The following CD55 variants were observed in gnomAD, a reference collection of about 807,000 sequenced individuals.
CD55 encodes complement decay-accelerating factor.
CD55 carries 41 observed loss-of-function variants against 45.8 expected under a neutral mutation model. The observed-to-expected ratio is 0.90, with a 90% CI of 0.70 to 1.16. CD55 has a LOEUF of 1.16. Among genes scored for constraint, CD55 ranks in the 50% most tolerant of loss-of-function variants. CD55 has a pLI of 0.00. For synonymous variants in CD55, 181 were observed against 181.1 expected, an observed-to-expected ratio of 1.00 and a Z score of 0.01; for missense variants, 416 against 469.8, an observed-to-expected ratio of 0.89 and a Z score of 1.06.
rs755921555 is a variant in CD55, at chr1:207,324,643, T to A, written c.371T>A (p.Val124Asp). 1 of 1,612,732 alleles carries A rather than the reference T, an allele frequency of 6.2e-7. No individual in the cohort carries two copies. The highest frequency in any genetic ancestry group is 1.7e-5 in the Admixed American group (1 of 59,900). Residue 124 changes from valine (V) to aspartate (D), a missense_variant, in exon 3 of 10, where the codon GTT (valine) becomes GAT (aspartate). Transcript: ENST00000367064. ...ITQNYFPVGTVVEYECRPGYR... is the reference protein window; with the variant it reads ...ITQNYFPVGTDVEYECRPGYR... Reference sequence around the variant, plus strand: ...CAGAATTATTTTCCAGTCGGTACTGTTGTGGAATATGAGTGCCGTCCAGGT... The same window carrying A: ...CAGAATTATTTTCCAGTCGGTACTGATGTGGAATATGAGTGCCGTCCAGGT...
At chr1:207,351,510 T>C (rs1293466234) in intron 9 of CD55, among the ~76,000 whole-genome samples, 2 of 152,202 alleles carry the variant, frequency 1.3e-5, no homozygotes, top group African/African-American at 4.8e-5. Context: ...ACTTGTCTTA[T>C]GAATCTGGAT....
intron 9 of CD55, among the ~76,000 whole-genome samples, chr1:207,348,684 A>G (rs184237901): frequency 6.6e-6 from 1 of 152,306 alleles, no homozygotes; most frequent in African/African-American, 2.4e-5. Flanking sequence ...GTTTTCTTCT[A>G]GAGTTTTTAT....
chr1:207,347,992 T>C (rs1399923439), intron 9 of CD55, among the ~76,000 whole-genome samples: 1 of 152,224 alleles, frequency 6.6e-6, no homozygotes, highest in Non-Finnish European at 1.5e-5. Flanking sequence ...CTGATGTGCA[T>C]CTAGGTTGAT....
intron 9 of CD55, chr1:207,340,341 T>G: frequency 9.0e-6 from 4 of 443,928 alleles, no homozygotes; most frequent in Non-Finnish European, 8.0e-6. Flanking sequence ...ATATGCTAGA[T>G]TTGTTTTCTT....
At chr1:207,341,636 A>G (rs1333129997) in intron 9 of CD55, among the ~76,000 whole-genome samples, 1 of 152,084 alleles carries the variant, frequency 6.6e-6, no homozygotes, top group Non-Finnish European at 1.5e-5. Flanking sequence ...TACCAATACC[A>G]TGCTGTTTTT....
rs1282708164 is a variant in CD55, at chr1:207,359,648, C to T, written c.*38C>T. On this transcript the variant is annotated 3_prime_UTR_variant, in exon 10 of 10. Transcript: ENST00000367064. The stretch of plus-strand genomic sequence containing the variant: ...TAAGAAGAAAATACACACAAGTATA[C>T]AGACTGTTCCTAGTTTCTTAGACTT... 3 of 1,551,656 alleles carry T rather than the reference C, an allele frequency of 1.9e-6. No homozygotes were observed. The highest frequency in any genetic ancestry group is 2.6e-6 in the Non-Finnish European group (3 of 1,156,670).
intron 9 of CD55, chr1:207,340,394 C>T: frequency 2.2e-6 from 1 of 447,886 alleles, no homozygotes. Flanking sequence ...GAGACAGGTT[C>T]TCGTCCTGTC....
At chr1:207,335,740 C>A (rs926621200) in intron 6 of CD55, among the ~76,000 whole-genome samples, 2 of 152,006 alleles carry the variant, frequency 1.3e-5, no homozygotes, top group Non-Finnish European at 2.9e-5. Flanking sequence ...AAAAAATGAC[C>A]GATACCATCT....
intron 6 of CD55, among the ~76,000 whole-genome samples, chr1:207,335,653 G>T (rs1655139794): frequency 6.6e-6 from 1 of 152,088 alleles, no homozygotes; most frequent in Non-Finnish European, 1.5e-5. Context: ...TTGAGTGCCT[G>T]CTAAATGCTG....
At chr1:207,359,090 G>A (rs1656185293) in intron 9 of CD55, among the ~76,000 whole-genome samples, 1 of 152,056 alleles carries the variant, frequency 6.6e-6, no homozygotes, top group South Asian at 2.1e-4. Context: ...GATCTTAAAA[G>A]ACATCTCATA....
chr1:207,352,009 A>T (rs973093347), intron 9 of CD55, among the ~76,000 whole-genome samples: 2 of 152,182 alleles, frequency 1.3e-5, no homozygotes, highest in Non-Finnish European at 2.9e-5. Flanking sequence ...TTCTTTAAAG[A>T]TAAATTAACT....
rs1417862872 is a variant in CD55 at position 207,331,278 on chromosome 1, C to T, written c.835C>T (p.Pro279Ser). The change falls in exon 6 of 10, where the codon CCA becomes TCA. Residue 279 changes from proline (P) to serine (S), a missense_variant. Physicochemically the swap from Pro to Ser is moderately conservative, Grantham distance 74. Around this residue, in one of 3 missense-constraint regions of CD55, gnomAD observed 182 missense variants for 201.4 expected, o/e 0.90. Coordinates refer to ENST00000367064, the MANE Select transcript of CD55 (RefSeq NM_000574.5). ...TAATGATGAAGGAGAGTGGAGTGGC[C>T]CACCACCTGAATGCAGAGGTAATCA... ...VNNDEGEWSG[P>S]PPECRGKSLT... 1.2e-6 allele frequency: 2 copies of T among 1,613,180 alleles called. No individual in the cohort carries two copies. The highest frequency in any genetic ancestry group is 1.7e-6 in the Non-Finnish European group (2 of 1,179,492).
chr1:207,331,840 C>T (rs938736327), intron 6 of CD55, among the ~76,000 whole-genome samples: 1 of 152,090 alleles, frequency 6.6e-6, no homozygotes, highest in South Asian at 2.1e-4. Context: ...CTCTCAGAAT[C>T]CTTCGAACTG....
chr1:207,324,693 C>G lies in CD55; in HGVS notation c.421C>G (p.Pro141Ala). 1 of 1,613,420 alleles carries G rather than the reference C, an allele frequency of 6.2e-7. No homozygotes were observed. Among genetic ancestry groups the G allele is most frequent in the African/African-American group, 1.3e-5 (1 of 74,984 alleles). Residue 141 changes from proline to alanine, a missense_variant, in exon 3 of 10, where the codon CCA becomes GCA. This residue lies in a region of CD55 where 111 missense variants were observed against 163.4 expected (regional missense o/e 0.68). Transcript: ENST00000367064. The part of the protein sequence containing the change: ...PGYRREPSLS[P>A]KLTCLQNLKW... ...TTACAGAAGAGAACCTTCTCTATCACCAAAACTAACTTGCCTTCAGAATTT... is the reference window on the plus strand; with the variant it reads ...TTACAGAAGAGAACCTTCTCTATCAGCAAAACTAACTTGCCTTCAGAATTT...
chr1:207,322,639 G>T, intron 2 of CD55, 72 bp downstream of exon 2: 5 of 1,267,928 alleles, frequency 3.9e-6, no homozygotes, highest in Admixed American at 2.3e-5. Flanking sequence ...TATACCTTTG[G>T]AGTGACTAGT....
intron 6 of CD55, 130 bp downstream of exon 6, chr1:207,331,426 G>A (rs1191077392): frequency 1.1e-5 from 8 of 718,126 alleles, no homozygotes; most frequent in African/African-American, 1.8e-5. Context: ...GTATTTTTCT[G>A]TGGGACACAA....
At chr1:207,322,207 G>T (rs112538877) in intron 1 of CD55, 175 bp from the exon 2 acceptor site, 941 of 727,238 alleles carry the variant, frequency 1.3e-3, no homozygotes, top group Non-Finnish European at 1.8e-3. Context: ...TGGGAGGCCA[G>T]ACCGCTGACC....
chr1:207,321,795 G>T lies in CD55; in HGVS notation c.30G>T (p.Ala10=). 2 of 1,523,612 alleles carry T rather than the reference G, an allele frequency of 1.3e-6. No individual in the cohort carries two copies. The highest frequency in any genetic ancestry group is 1.2e-5 in the South Asian group (1 of 83,068). The allele number at this position is 1,523,612 out of a possible 1,614,324, so 94.4% of individuals were successfully genotyped here. MTVARPSVP[A]ALPLLGELPR... is the part of the protein sequence containing the mutation. ...CCGTCGCGCGGCCGAGCGTGCCCGC[G>T]GCGCTGCCCCTCCTCGGGGAGCTGC... The change falls in exon 1 of 10, where the codon GCG becomes GCT. Residue 10 remains alanine, a synonymous_variant. Transcript: ENST00000367064.
Position 207,359,924 on chromosome 1 carries a change from A to C in CD55, c.*314A>C. 1 of 241,864 alleles carries C rather than the reference A, an allele frequency of 4.1e-6. No individual in the cohort carries two copies. Among genetic ancestry groups the C allele is most frequent in the East Asian group, 7.8e-5 (1 of 12,832 alleles). 15.0% of individuals were successfully genotyped at this position (241,864 alleles called of 1,614,324 possible). A position where few individuals can be genotyped will look rare whatever the true frequency, so the allele number is the denominator to read the frequency against. On this transcript the variant is annotated 3_prime_UTR_variant, in exon 10 of 10. Coordinates refer to ENST00000367064, the MANE Select transcript of CD55 (RefSeq NM_000574.5). ...TGGGATCACGAGGAAAAGAGAAGGA[A>C]AGTGATTTTTTTCCACAAGATCTGT...
Sources: allele counts gnomAD v4.1 joint callset (sites outside exome capture counted in the v4.1 genomes callset), GRCh38; gene constraint gnomAD v4.1.1; regional missense constraint gnomAD v4.1.1; transcripts MANE v1.5; gene names NCBI Gene and HGNC (gene_info 2026-07-23, HGNC 2026-07-21).